COPE: variants seen among roughly 807,000 people sequenced by gnomAD.
The protein encoded by COPE is coat protein complex I subunit epsilon.
A neutral mutation model predicts 42.1 loss-of-function variants in COPE; 19 were observed. The ratio of observed to expected loss-of-function variants is 0.45; its 90% CI spans 0.31 to 0.66. The LOEUF (loss-of-function observed/expected upper bound fraction) is 0.66, where lower values mean the gene tolerates loss of function less well. Among genes scored for constraint, COPE ranks in the 30% least tolerant of loss-of-function variants. The probability of loss-of-function intolerance (pLI) is 0.05; values close to 1 mark genes in which losing one functional copy is unlikely to be tolerated. For synonymous variants in COPE, 195 were observed against 181.3 expected (o/e 1.08, Z -0.60); for missense variants, 402 against 416.1 (o/e 0.97, Z 0.30).
At chr19:18,909,662 A>G (rs2145070718) in intron 3 of COPE, among the ~76,000 whole-genome samples, 1 of 151,952 alleles carries the variant, frequency 6.6e-6, no homozygotes, top group East Asian at 1.9e-4. Context: ...GGAATCACAG[A>G]CATCACATCC....
chr19:18,916,596 T>C (rs1416836546), intron 1 of COPE, among the ~76,000 whole-genome samples: 1 of 151,590 alleles, frequency 6.6e-6, no homozygotes, highest in African/African-American at 2.4e-5. Context: ...CAGACGAGCC[T>C]GGCCAACACA....
At chr19:18,900,793 G>T (rs1259912763) in intron 7 of COPE, among the ~76,000 whole-genome samples, 1 of 152,192 alleles carries the variant, frequency 6.6e-6, no homozygotes, top group Non-Finnish European at 1.5e-5. Context: ...GAGGCCATGG[G>T]CAGACCTGCC....
chr19:18,902,739 A>AAGGAAGG (rs1568314640), intron 7 of COPE, among the ~76,000 whole-genome samples: 2 of 61,148 alleles, frequency 3.3e-5, no homozygotes, highest in African/African-American at 2.4e-4. Context: ...GAAAGGAAGG[A>AAGGAAGG]AAGGAAGGAA....
chr19:18,914,487 G>A (rs537514445), intron 1 of COPE, among the ~76,000 whole-genome samples: 2 of 152,088 alleles, frequency 1.3e-5, no homozygotes, highest in East Asian at 2.0e-4. Context: ...GCTGTAGTAA[G>A]CCGAGATCAC....
rs572965834 is a variant in COPE at position 18,902,991 on chromosome 19, G to C, written c.735+277C>G. Among the ~76,000 whole-genome samples, 248 of 151,830 alleles carry C rather than the reference G, an allele frequency of 1.6e-3. 2 individuals carry two copies. Among genetic ancestry groups the C allele is most frequent in the Non-Finnish European group, 2.4e-3 (162 of 67,936 alleles). ...CTCAGGTGAGGGGTCCCACTTGCAGGTCCCGGGCCAGGCAGCTGAGGTGAC... is the reference window on the plus strand; with the variant it reads ...CTCAGGTGAGGGGTCCCACTTGCAGCTCCCGGGCCAGGCAGCTGAGGTGAC... On this transcript the variant is annotated intron_variant, in intron 7 of 9. Coordinates refer to ENST00000262812, the MANE Select transcript of COPE (RefSeq NM_007263.4).
At chr19:18,906,798 C>A (rs532380224) in intron 4 of COPE, 162 bp downstream of exon 4, 2 of 802,394 alleles carry the variant, frequency 2.5e-6, no homozygotes, top group Admixed American at 6.1e-5. Flanking sequence ...GCCTCCCACA[C>A]TGGGCAGGGG....
At position 18,904,798 on chromosome 19, in the gene COPE, G is replaced by A. The variant is rs61418743; in HGVS notation, c.552C>T (p.Leu184=). The A allele has an allele frequency of 3.8e-4, 597 of 1,554,668 alleles. 3 individuals are homozygous for A. In the East Asian group the frequency reaches 0.012, roughly 32 times the overall value. ...DLDEDATLTQ[L]ATAWVSLATG... ...TGGCCAGGCTGACCCAGGCAGTGGC[G>A]AGCTGGGTGAGGGTGGCATCCTCGT... The change falls in exon 6 of 10, where the codon CTC becomes CTT. Residue 184 remains leucine, a synonymous_variant. Transcript: ENST00000262812.
At chr19:18,909,343 G>A (rs748841499) in intron 3 of COPE, among the ~76,000 whole-genome samples, 2 of 152,224 alleles carry the variant, frequency 1.3e-5, no homozygotes, top group South Asian at 2.1e-4. Flanking sequence ...TCTGGAGGCC[G>A]TAAGTCTGAA....
At chr19:18,910,894 C>G (rs905276520) in intron 3 of COPE, 77 bp downstream of exon 3, 1 of 1,301,838 alleles carries the variant, frequency 7.7e-7, no homozygotes, top group Admixed American at 1.7e-5. Flanking sequence ...GCCATGCCCC[C>G]ACCCACCCAG....
At chr19:18,919,062 G>C (rs1834847897) in intron 1 of COPE, among the ~76,000 whole-genome samples, 161 bp downstream of exon 1, 1 of 152,280 alleles carries the variant, frequency 6.6e-6, no homozygotes, top group Admixed American at 6.5e-5. Context: ...TCTGGGTTCT[G>C]TCACGGGACA....
intron 3 of COPE, among the ~76,000 whole-genome samples, chr19:18,909,094 C>T (rs1220305231): frequency 1.3e-5 from 2 of 152,252 alleles, no homozygotes; most frequent in South Asian, 2.1e-4. Context: ...GCCAGATGAA[C>T]GGACCACAAG....
intron 6 of COPE, 72 bp downstream of exon 6, chr19:18,904,699 G>A (rs2056741754): frequency 7.3e-7 from 1 of 1,360,816 alleles, no homozygotes; most frequent in East Asian, 2.5e-5. Context: ...CCTACGCACA[G>A]GTGGGGGTGC....
rs1329415135 is a variant in COPE, at chr19:18,913,008, G to T, written c.165C>A (p.Phe55Leu). The T allele has an allele frequency of 6.2e-7, 1 of 1,611,946 alleles. No individual in the cohort carries two copies. The highest frequency in any genetic ancestry group is 8.5e-7 in the Non-Finnish European group (1 of 1,179,942). The change falls in exon 2 of 10, where the codon TTC becomes TTA. Residue 55 changes from phenylalanine (F) to leucine (L), a missense_variant. By Grantham distance (22) the Phe-to-Leu change is conservative (BLOSUM62 0). Transcript: ENST00000262812. The part of the protein sequence containing the change: ...SPERDVERDV[F>L]LYRAYLAQRK... ...CCTGCGCCAGGTACGCTCTATACAG[G>T]AAGACGTCCCTCTCCACGTCTCTCT...
chr19:18,913,137 G>T, intron 1 of COPE, 91 bp from the exon 2 acceptor site: 1 of 1,158,876 alleles, frequency 8.6e-7, no homozygotes. Flanking sequence ...CTGTACACTG[G>T]GGACAGGTGG....
chr19:18,905,971 G>C, intron 4 of COPE: 2 of 472,218 alleles, frequency 4.2e-6, no homozygotes, highest in Non-Finnish European at 7.4e-6. Context: ...AGGCCCTAGA[G>C]GAGGGCCACG....
chr19:18,916,210 G>T (rs1021580594), intron 1 of COPE, among the ~76,000 whole-genome samples: 2 of 147,140 alleles, frequency 1.4e-5, no homozygotes, highest in Non-Finnish European at 3.0e-5. Flanking sequence ...AAAATTAGCT[G>T]GGCGTGGTGG....
chr19:18,909,519 CTTTTTTT>C (rs59105113), intron 3 of COPE, among the ~76,000 whole-genome samples: 1 of 133,824 alleles, frequency 7.5e-6, no homozygotes, highest in Non-Finnish European at 1.6e-5. Flanking sequence ...GGCCTCTTTC[CTTTTTTT>C]TTTTTTTTTT....
rs189450873 is a variant in COPE, at chr19:18,913,531, A to C, written c.127-485T>G. On this transcript the variant is annotated intron_variant, in intron 1 of 9. Coordinates refer to ENST00000262812, the MANE Select transcript of COPE (RefSeq NM_007263.4). The stretch of plus-strand genomic sequence containing the variant: ...CCATTGCACAGAACTGAGGAGCAAG[A>C]GGGAGGTAACCTGTGGCAACATCCA... Among the ~76,000 whole-genome samples the C allele has an allele frequency of 3.5e-3, 531 of 152,348 alleles. 4 individuals are homozygous for C. The highest frequency in any genetic ancestry group is 0.012 in the African/African-American group (511 of 41,586).
chr19:18,905,281 C>A (rs1156443105), intron 5 of COPE, among the ~76,000 whole-genome samples: 1 of 152,188 alleles, frequency 6.6e-6, no homozygotes, highest in Non-Finnish European at 1.5e-5. Context: ...ACAAGCTGGT[C>A]AAGTAACATG....
Sources: allele counts gnomAD v4.1 joint callset (sites outside exome capture counted in the v4.1 genomes callset), GRCh38; gene constraint gnomAD v4.1.1; transcripts MANE v1.5; gene names NCBI Gene and HGNC (gene_info 2026-07-23, HGNC 2026-07-21).